Variants in MGAT4C observed in about 807,000 individuals in gnomAD.
The protein encoded by MGAT4C is alpha-1,3-mannosyl-glycoprotein 4-beta-N-acetylglucosaminyltransferase C.
In MGAT4C, 19 loss-of-function variants were observed where a neutral mutation model predicts 40.1. The ratio of observed to expected loss-of-function variants is 0.47; its 90% CI spans 0.33 to 0.70. The LOEUF is 0.70. MGAT4C is among the 30% of genes least tolerant of loss of function. The pLI, the probability that MGAT4C is intolerant of heterozygous loss-of-function variation, is 0.02. For missense variants in MGAT4C, 491 were observed against 563.2 expected, an observed-to-expected ratio of 0.87 and a Z score of 1.30; for synonymous variants, 181 against 187.1, an observed-to-expected ratio of 0.97 and a Z score of 0.27.
intron 2 of MGAT4C, among the ~76,000 whole-genome samples, chr12:86,721,530 G>A (rs1011764197): frequency 1.1e-4 from 17 of 152,068 alleles, no homozygotes; most frequent in African/African-American, 3.4e-4. Flanking sequence ...TACCTTGACC[G>A]TAGATTCAGA....
At chr12:86,071,900 A>G (rs540340332) in intron 1 of MGAT4C, among the ~76,000 whole-genome samples, 3 of 152,242 alleles carry the variant, frequency 2.0e-5, no homozygotes, top group African/African-American at 7.2e-5. Flanking sequence ...AACACCTTCA[A>G]TGTTTTGGTC....
chr12:86,008,413 T>C (rs1230740337), intron 2 of MGAT4C, among the ~76,000 whole-genome samples: 3 of 152,074 alleles, frequency 2.0e-5, no homozygotes, highest in Non-Finnish European at 4.4e-5. Flanking sequence ...TTTTTTCTAT[T>C]ATAACAAGTG....
chr12:86,139,676 G>GTA (rs1286509834), intron 1 of MGAT4C, among the ~76,000 whole-genome samples: 4 of 151,778 alleles, frequency 2.6e-5, no homozygotes, highest in Admixed American at 6.6e-5. Context: ...CAATGAAAAT[G>GTA]TATATATATG....
chr12:86,028,892 ATT>A (rs972973138), intron 2 of MGAT4C, among the ~76,000 whole-genome samples: 1 of 151,896 alleles, frequency 6.6e-6, no homozygotes, highest in African/African-American at 2.4e-5. Context: ...AATTATCTAT[ATT>A]TTCACTGTAC....
chr12:86,331,381 G>A (rs934083645), intron 4 of MGAT4C, among the ~76,000 whole-genome samples: 1 of 152,148 alleles, frequency 6.6e-6, no homozygotes, highest in African/African-American at 2.4e-5. Flanking sequence ...TCCCTTACAA[G>A]TCGAATGTTT....
intron 1 of MGAT4C, among the ~76,000 whole-genome samples, chr12:86,237,855 G>A (rs934932344): frequency 1.3e-5 from 2 of 151,870 alleles, no homozygotes; most frequent in Admixed American, 6.6e-5. Flanking sequence ...GATCTTGAAG[G>A]AAAATAATAA....
At chr12:86,026,221 A>G (rs1377508817) in intron 2 of MGAT4C, among the ~76,000 whole-genome samples, 2 of 151,906 alleles carry the variant, frequency 1.3e-5, no homozygotes, top group Non-Finnish European at 2.9e-5. Flanking sequence ...AAAAAATAGA[A>G]GCAGTTGAAT....
intron 2 of MGAT4C, among the ~76,000 whole-genome samples, chr12:86,557,600 A>C (rs185335558): frequency 6.6e-6 from 1 of 152,346 alleles, no homozygotes; most frequent in Non-Finnish European, 1.5e-5. Flanking sequence ...AGTCATGAGG[A>C]AGTCATGGAC....
chr12:86,838,044 G>T (rs1953075450), intron 1 of MGAT4C, among the ~76,000 whole-genome samples: 1 of 152,076 alleles, frequency 6.6e-6, no homozygotes. Flanking sequence ...TAATAATTTT[G>T]TAGCATAATT....
In MGAT4C at chr12:85,966,354, T is replaced by C. The variant is rs1323697382; in HGVS notation, c.*12935A>G. On this transcript the variant is annotated 3_prime_UTR_variant, in exon 5 of 5. Coordinates refer to ENST00000611864, the MANE Select transcript of MGAT4C (RefSeq NM_001351288.2). ...CTCTATTTAATTATTACCCATCATC[T>C]ACCTACTTTGAAACTTTGGAGGTTT... 6.6e-6 allele frequency: 1 copy of C among 152,172 alleles called. No homozygotes were observed. Among genetic ancestry groups the C allele is most frequent in the Non-Finnish European group, 1.5e-5 (1 of 68,034 alleles). 9.4% of individuals were successfully genotyped at this position (152,172 alleles called of 1,614,324 possible).
intron 4 of MGAT4C, among the ~76,000 whole-genome samples, chr12:86,327,969 T>C (rs1592702091): frequency 6.6e-6 from 1 of 152,278 alleles, no homozygotes; most frequent in East Asian, 1.9e-4. Flanking sequence ...TAGCAAAATG[T>C]TGTTGCATTG....
chr12:86,121,940 T>G (rs1398688769), intron 1 of MGAT4C, among the ~76,000 whole-genome samples: 1 of 152,190 alleles, frequency 6.6e-6, no homozygotes, highest in East Asian at 1.9e-4. Context: ...ACAATTGTGA[T>G]CATAACAGCT....
At chr12:86,665,550 T>G (rs2136555455) in intron 2 of MGAT4C, among the ~76,000 whole-genome samples, 1 of 152,190 alleles carries the variant, frequency 6.6e-6, no homozygotes, top group Middle Eastern at 3.4e-3. Flanking sequence ...CTAATTTTTT[T>G]GTATTTTTAG....
intron 4 of MGAT4C, among the ~76,000 whole-genome samples, chr12:86,300,989 G>T (rs1953795893): frequency 6.6e-6 from 1 of 152,268 alleles, no homozygotes; most frequent in East Asian, 1.9e-4. Flanking sequence ...GTGCTATAGG[G>T]TCATAGAAGA....
At chr12:86,475,243 A>G (rs1222781762) in intron 2 of MGAT4C, among the ~76,000 whole-genome samples, 1 of 146,326 alleles carries the variant, frequency 6.8e-6, no homozygotes, top group Non-Finnish European at 1.5e-5. Context: ...TAGTGATTAA[A>G]TAAAATATAG....
chr12:86,684,529 T>A (rs1950037399), intron 2 of MGAT4C, among the ~76,000 whole-genome samples: 1 of 152,244 alleles, frequency 6.6e-6, no homozygotes, highest in Admixed American at 6.5e-5. Flanking sequence ...TGATTTATAA[T>A]CCCTTGGGTA....
At chr12:85,988,612 C>A (rs1885521068) in intron 3 of MGAT4C, among the ~76,000 whole-genome samples, 2 of 151,610 alleles carry the variant, frequency 1.3e-5, no homozygotes, top group South Asian at 4.2e-4. Context: ...ATTTTAGGCT[C>A]CATTAAGATA....
At chr12:86,510,914 CA>C (rs1475775634) in intron 2 of MGAT4C, among the ~76,000 whole-genome samples, 1 of 151,384 alleles carries the variant, frequency 6.6e-6, no homozygotes, top group East Asian at 1.9e-4. Flanking sequence ...ACCCCACTGT[CA>C]ACATTAGACA....
chr12:85,997,774 C>T (rs147793948), intron 2 of MGAT4C, among the ~76,000 whole-genome samples: 85 of 152,302 alleles, frequency 5.6e-4, no homozygotes, highest in African/African-American at 1.7e-3. Flanking sequence ...TTGCAAGGTA[C>T]GGCCTCCCTT....
Sources: allele counts gnomAD v4.1 joint callset (sites outside exome capture counted in the v4.1 genomes callset), GRCh38; gene constraint gnomAD v4.1.1; transcripts MANE v1.5; gene names NCBI Gene and HGNC (gene_info 2026-07-23, HGNC 2026-07-21).